The following CHSY3 variants were observed in gnomAD, a reference collection of about 807,000 sequenced individuals.
CHSY3 encodes the protein chondroitin sulfate synthase 3, also known as N-acetylgalactosaminyl-proteoglycan 3-beta-glucuronosyltransferase 3.
Under a neutral mutation model 67.2 loss-of-function variants are expected in CHSY3, and 35 were observed. That is an observed-to-expected ratio of 0.52 (90% CI 0.40 to 0.69). CHSY3 has a LOEUF of 0.69. Among genes scored for constraint, CHSY3 ranks in the 30% least tolerant of loss-of-function variants. The pLI is 0.00. For synonymous variants in CHSY3, 474 were observed against 434.7 expected, an observed-to-expected ratio of 1.09 and a Z score of -1.12; for missense variants, 1,069 against 1,138.5, an observed-to-expected ratio of 0.94 and a Z score of 0.88.
chr5:129,973,047 C>T (rs1762690125), intron 2 of CHSY3, among the ~76,000 whole-genome samples: 1 of 152,000 alleles, frequency 6.6e-6, no homozygotes, highest in African/African-American at 2.4e-5. Context: ...AACTCTCTCA[C>T]ATGATGCTCC....
chr5:130,060,929 A>G (rs79450681), intron 2 of CHSY3, among the ~76,000 whole-genome samples: 2,200 of 152,210 alleles, frequency 0.014, 45 homozygotes, highest in African/African-American at 0.048. Context: ...ACAAACAAAA[A>G]GAAAGACATC....
At chr5:130,031,844 A>G (rs1229499439) in intron 2 of CHSY3, among the ~76,000 whole-genome samples, 1 of 152,164 alleles carries the variant, frequency 6.6e-6, no homozygotes, top group Non-Finnish European at 1.5e-5. Context: ...ATCTATTTTC[A>G]GTTTTAAAAA....
chr5:130,079,289 G>C (rs181774361), intron 2 of CHSY3, among the ~76,000 whole-genome samples: 1 of 151,956 alleles, frequency 6.6e-6, no homozygotes, highest in Non-Finnish European at 1.5e-5. Flanking sequence ...CCTCTTCTAC[G>C]TAGAACATTT....
rs573621664 is a variant in CHSY3, at chr5:130,136,390, T to G, written c.1087-47839T>G. Reference sequence around the variant, plus strand: ...TGCAAAGAAACCTAAGGGACAGTCATGAAGGCTGATACTGAGGAGCTTTGA... The same window carrying G: ...TGCAAAGAAACCTAAGGGACAGTCAGGAAGGCTGATACTGAGGAGCTTTGA... On this transcript the variant is annotated intron_variant, in intron 2 of 2. Coordinates refer to ENST00000305031, the MANE Select transcript of CHSY3 (RefSeq NM_175856.5). Among the ~76,000 whole-genome samples, 33 of 152,264 alleles carry G rather than the reference T, an allele frequency of 2.2e-4. No homozygotes were observed. The South Asian group carries it at 6.6e-3, about 31-fold the overall frequency.
At chr5:130,157,072 T>C (rs557005022) in intron 2 of CHSY3, among the ~76,000 whole-genome samples, 1 of 152,202 alleles carries the variant, frequency 6.6e-6, no homozygotes, top group African/African-American at 2.4e-5. Context: ...AATGTGCACA[T>C]GTTGAGGTTA....
intron 2 of CHSY3, among the ~76,000 whole-genome samples, chr5:130,092,248 C>T (rs1489393314): frequency 6.6e-6 from 1 of 152,174 alleles, no homozygotes. Context: ...ATAATTTTCT[C>T]TCTACCCTGC....
intron 2 of CHSY3, among the ~76,000 whole-genome samples, chr5:130,053,558 G>A (rs1765433690): frequency 6.6e-6 from 1 of 152,112 alleles, no homozygotes; most frequent in South Asian, 2.1e-4. Context: ...GGGAGGCCAA[G>A]CTTATGATGT....
intron 2 of CHSY3, among the ~76,000 whole-genome samples, chr5:130,058,159 C>G (rs1765596630): frequency 6.6e-6 from 1 of 152,082 alleles, no homozygotes; most frequent in East Asian, 1.9e-4. Flanking sequence ...TCTGTATTGT[C>G]ACTATACTTA....
chr5:129,960,491 A>G (rs1409228636), intron 2 of CHSY3, among the ~76,000 whole-genome samples: 1 of 151,946 alleles, frequency 6.6e-6, no homozygotes, highest in Non-Finnish European at 1.5e-5. Context: ...AAAAAAGACA[A>G]CTGTAGTATG....
chr5:129,928,605 G>A (rs1761193038), intron 2 of CHSY3, among the ~76,000 whole-genome samples: 1 of 152,060 alleles, frequency 6.6e-6, no homozygotes, highest in Non-Finnish European at 1.5e-5. Context: ...CTGTAGCTCG[G>A]TGTGGTTCTA....
At chr5:129,978,604 TATATC>T (rs985752339) in intron 2 of CHSY3, among the ~76,000 whole-genome samples, 34 of 152,130 alleles carry the variant, frequency 2.2e-4, no homozygotes, top group African/African-American at 8.2e-4. Context: ...GACTTTCCAA[TATATC>T]ATATGTATTT....
At chr5:130,158,752 CA>C (rs1288993066) in intron 2 of CHSY3, among the ~76,000 whole-genome samples, 1 of 152,102 alleles carries the variant, frequency 6.6e-6, no homozygotes, top group African/African-American at 2.4e-5. Context: ...TATGAACAGA[CA>C]AAAAGAAAGT....
chr5:130,173,252 C>T (rs183684615), intron 2 of CHSY3, among the ~76,000 whole-genome samples: 257 of 152,006 alleles, frequency 1.7e-3, no homozygotes, highest in African/African-American at 6.0e-3. Context: ...GAGAGAGAGA[C>T]AAGAGACAAA....
chr5:130,009,158 A>G (rs906812548), intron 2 of CHSY3, among the ~76,000 whole-genome samples: 8 of 152,146 alleles, frequency 5.3e-5, no homozygotes, highest in African/African-American at 1.9e-4. Context: ...AAAACACATC[A>G]TCGTCGTATT....
intron 2 of CHSY3, among the ~76,000 whole-genome samples, chr5:130,100,867 A>G (rs937875708): frequency 6.6e-6 from 1 of 152,214 alleles, no homozygotes; most frequent in African/African-American, 2.4e-5. Flanking sequence ...AAAAGGCACA[A>G]TTTGTTGACT....
intron 2 of CHSY3, chr5:130,141,256 T>C: frequency 2.1e-6 from 1 of 471,498 alleles, no homozygotes; most frequent in Non-Finnish European, 4.1e-6. Flanking sequence ...GTCATGACTG[T>C]CCTCATTAAG....
At chr5:130,071,006 G>A (rs1766044652) in intron 2 of CHSY3, among the ~76,000 whole-genome samples, 1 of 152,020 alleles carries the variant, frequency 6.6e-6, no homozygotes, top group Admixed American at 6.6e-5. Flanking sequence ...ATCTATATAA[G>A]TCTATGCCAT....
At chr5:130,002,917 A>G (rs1763773675) in intron 2 of CHSY3, among the ~76,000 whole-genome samples, 1 of 152,098 alleles carries the variant, frequency 6.6e-6, no homozygotes. Flanking sequence ...ATGACTTTAC[A>G]TGTGTTCTTG....
chr5:129,945,617 A>C (rs1420677006), intron 2 of CHSY3, among the ~76,000 whole-genome samples: 2 of 152,134 alleles, frequency 1.3e-5, no homozygotes, highest in Admixed American at 1.3e-4. Flanking sequence ...ACTTGGGGAA[A>C]GAAGAGAGAG....
Sources: gnomAD v4.1 joint callset for allele counts (sites outside exome capture counted in the v4.1 genomes callset) on GRCh38, gnomAD v4.1.1 for gene constraint, MANE v1.5 for transcripts, NCBI Gene and HGNC (gene_info 2026-07-23, HGNC 2026-07-21) for gene names.